SUMF1: variants seen among roughly 807,000 people sequenced by gnomAD.
SUMF1 encodes formylglycine-generating enzyme.
Under a neutral mutation model 47.6 loss-of-function variants are expected in SUMF1, and 48 were observed. The observed-to-expected ratio is 1.01, with a 90% confidence interval of 0.80 to 1.28. SUMF1 has a LOEUF of 1.28. Ranked by LOEUF, SUMF1 falls within the 50% of genes most tolerant of loss-of-function variation. SUMF1 has a pLI of 0.00. For missense variants in SUMF1, 571 were observed against 485.4 expected, an observed-to-expected ratio of 1.18 and a Z score of -1.66; for synonymous variants, 230 against 192.1, an observed-to-expected ratio of 1.20 and a Z score of -1.63.
At chr3:4,050,289 C>A (rs1372686269) in intron 9 of SUMF1, among the ~76,000 whole-genome samples, 1 of 151,338 alleles carries the variant, frequency 6.6e-6, no homozygotes, top group African/African-American at 2.4e-5. Context: ...ACCTGACCTA[C>A]TTTCCGAAAA....
chr3:4,252,784 A>C (rs1347301555), intron 8 of SUMF1, among the ~76,000 whole-genome samples: 1 of 152,114 alleles, frequency 6.6e-6, no homozygotes, highest in Admixed American at 6.5e-5. Context: ...CCTCCAAGAA[A>C]AAAAAAACTG....
rs115337426 is a variant in SUMF1 at position 4,044,569 on chromosome 3, T to C, written c.1191+24000A>G. 1.4e-3 allele frequency among the ~76,000 whole-genome samples: 217 copies of C among 152,350 alleles called. 1 individual carries two copies. The highest frequency in any genetic ancestry group is 4.9e-3 in the African/African-American group (203 of 41,582). The stretch of plus-strand genomic sequence containing the variant: ...TTATCCATGCTCAATTAAAGAAAGA[T>C]GAAAGTTCAGCTTTCTATAATTAAA... On this transcript the variant is annotated intron_variant and NMD_transcript_variant, in intron 9 of 12. Transcript: ENST00000448413.
intron 8 of SUMF1, among the ~76,000 whole-genome samples, chr3:4,366,890 T>G (rs1437370756): frequency 1.3e-5 from 2 of 152,142 alleles, no homozygotes; most frequent in Non-Finnish European, 2.9e-5. Context: ...TACAGATGGG[T>G]TTTTGGTGTG....
At chr3:4,072,418 C>T (rs1695550073) in intron 8 of SUMF1, among the ~76,000 whole-genome samples, 1 of 152,098 alleles carries the variant, frequency 6.6e-6, no homozygotes, top group Non-Finnish European at 1.5e-5. Context: ...ACCAAAACGC[C>T]CCTTCTCCTC....
chr3:4,233,948 T>TA (rs1313738519), intron 8 of SUMF1, among the ~76,000 whole-genome samples: 2 of 151,926 alleles, frequency 1.3e-5, no homozygotes, highest in Non-Finnish European at 2.9e-5. Flanking sequence ...AGGTCACACT[T>TA]ACCTAATTAG....
chr3:4,106,147 T>C lies in SUMF1; in HGVS notation c.1015-37402A>G, dbSNP rs373931435. ...CTAAGTCACCTTAGGAGAATTTCTG[T>C]AGGGTTCCCGTGGCATTGCTGGGCC... On this transcript the variant is annotated intron_variant and NMD_transcript_variant, in intron 8 of 12. Transcript: ENST00000448413. Among the ~76,000 whole-genome samples the C allele has an allele frequency of 2.4e-3, 372 of 152,168 alleles. 2 individuals carry two copies. The highest frequency in any genetic ancestry group is 4.0e-3 in the Non-Finnish European group (274 of 67,998).
At chr3:4,128,968 C>T (rs912801797) in intron 8 of SUMF1, among the ~76,000 whole-genome samples, 2 of 152,098 alleles carry the variant, frequency 1.3e-5, no homozygotes, top group Non-Finnish European at 2.9e-5. Flanking sequence ...TTGGGAATGC[C>T]TGATCTCCCT....
At chr3:4,221,414 GGTGTGTGTGT>G (rs113359661) in intron 8 of SUMF1, among the ~76,000 whole-genome samples, 112 of 148,192 alleles carry the variant, frequency 7.6e-4, no homozygotes, top group South Asian at 1.5e-3. Context: ...GGTTTTTTGG[GGTGTGTGTGT>G]GTGTGTGTGT....
intron 8 of SUMF1, among the ~76,000 whole-genome samples, chr3:4,115,319 C>G (rs754358138): frequency 3.3e-4 from 50 of 152,220 alleles, no homozygotes; most frequent in African/African-American, 1.2e-3. Flanking sequence ...AAACTCTGCA[C>G]TCATTCTCCA....
chr3:4,264,854 C>A (rs1164548812), intron 8 of SUMF1, among the ~76,000 whole-genome samples: 1 of 152,138 alleles, frequency 6.6e-6, no homozygotes, highest in South Asian at 2.1e-4. Context: ...TTGGACACAG[C>A]CAGGAGCAGT....
intron 8 of SUMF1, chr3:4,313,012 C>G: frequency 6.2e-7 from 1 of 1,613,860 alleles, no homozygotes; most frequent in Non-Finnish European, 8.5e-7. Flanking sequence ...CTCCTGTCTC[C>G]GCCATGGAGA....
chr3:4,346,604 T>C (rs545697588), intron 8 of SUMF1, among the ~76,000 whole-genome samples: 23 of 151,328 alleles, frequency 1.5e-4, no homozygotes, highest in Non-Finnish European at 2.7e-4. Flanking sequence ...TACCCTAACA[T>C]CACAATTAAA....
intron 8 of SUMF1, among the ~76,000 whole-genome samples, chr3:4,165,827 A>G (rs1694687876): frequency 7.2e-6 from 1 of 138,410 alleles, no homozygotes; most frequent in African/African-American, 3.2e-5. Flanking sequence ...TTCCCAGCTG[A>G]AAAAAAAAAT....
chr3:4,158,502 G>T (rs1694504265), intron 8 of SUMF1, among the ~76,000 whole-genome samples: 1 of 151,478 alleles, frequency 6.6e-6, no homozygotes, highest in Non-Finnish European at 1.5e-5. Context: ...CAATGTTTTT[G>T]TTGATTTTCT....
chr3:4,338,668 A>G (rs539032477), intron 8 of SUMF1, among the ~76,000 whole-genome samples: 3 of 152,290 alleles, frequency 2.0e-5, no homozygotes, highest in Admixed American at 6.5e-5. Context: ...GGGAAAAACC[A>G]AAACAAAATT....
chr3:4,390,037 A>G (rs1359895967), intron 7 of SUMF1, among the ~76,000 whole-genome samples: 1 of 152,114 alleles, frequency 6.6e-6, no homozygotes, highest in Non-Finnish European at 1.5e-5. Context: ...TTTCAACTTA[A>G]ACGTGGACAT....
At chr3:4,062,086 C>G (rs187539724) in intron 9 of SUMF1, among the ~76,000 whole-genome samples, 48 of 152,188 alleles carry the variant, frequency 3.2e-4, no homozygotes, top group African/African-American at 1.0e-3. Flanking sequence ...CCTCATAGCA[C>G]CCTTACCACA....
chr3:4,405,995 T>C (rs1402415764), intron 7 of SUMF1, among the ~76,000 whole-genome samples: 1 of 152,164 alleles, frequency 6.6e-6, no homozygotes, highest in Non-Finnish European at 1.5e-5. Flanking sequence ...TCACTATTTA[T>C]AAATATTGTT....
chr3:4,075,617 A>C (rs1466750259), intron 8 of SUMF1, among the ~76,000 whole-genome samples: 1 of 152,132 alleles, frequency 6.6e-6, no homozygotes, highest in African/African-American at 2.4e-5. Flanking sequence ...AAATCTCCGT[A>C]AGCTGATGAG....
Sources: gnomAD v4.1 joint callset for allele counts (sites outside exome capture counted in the v4.1 genomes callset) on GRCh38, gnomAD v4.1.1 for gene constraint, MANE v1.5 for transcripts, NCBI Gene and HGNC (gene_info 2026-07-23, HGNC 2026-07-21) for gene names.